ADK: variants seen among roughly 807,000 people sequenced by gnomAD.
ADK encodes the protein N6,N6-dimethyladenosine kinase.
Under a neutral mutation model 44.7 loss-of-function variants are expected in ADK, and 24 were observed. The ratio of observed to expected loss-of-function variants is 0.54; its 90% CI spans 0.39 to 0.76. ADK has a LOEUF of 0.76. ADK is among the 30% of genes least tolerant of loss of function. ADK has a pLI of 0.00. For missense variants in ADK, 321 were observed against 425.1 expected, an observed-to-expected ratio of 0.76 and a Z score of 2.15; for synonymous variants, 128 against 142.6, an observed-to-expected ratio of 0.90 and a Z score of 0.73.
At position 74,660,763 on chromosome 10, in the gene ADK, G is replaced by T. The variant is rs1433039483; in HGVS notation, c.878-9420G>T. On this transcript the variant is annotated intron_variant, in intron 9 of 10. Transcript: ENST00000539909. ...AAAAAAAAAAAAGAGGCCAGGCGCA[G>T]TGGCTCATGCCTGTAATCCCAGCAC... Among the ~76,000 whole-genome samples the T allele has an allele frequency of 1.2e-4, 17 of 147,600 alleles. 1 individual carries two copies. Among genetic ancestry groups the T allele is most frequent in the Non-Finnish European group, 7.4e-5 (5 of 67,490 alleles).
chr10:74,299,229 C>G (rs957041081), intron 3 of ADK, among the ~76,000 whole-genome samples: 1 of 151,646 alleles, frequency 6.6e-6, no homozygotes, highest in Non-Finnish European at 1.5e-5. Flanking sequence ...CACAGTGGCT[C>G]AAGCCTGTAA....
intron 6 of ADK, among the ~76,000 whole-genome samples, chr10:74,456,255 C>T (rs371238363): frequency 1.7e-4 from 26 of 152,272 alleles, no homozygotes; most frequent in African/African-American, 2.9e-4. Context: ...CGCACCACAT[C>T]GCCCTTACTC....
chr10:74,352,738 C>A (rs1186826437), intron 4 of ADK, among the ~76,000 whole-genome samples: 1 of 152,132 alleles, frequency 6.6e-6, no homozygotes, highest in Non-Finnish European at 1.5e-5. Context: ...AAAATAACAA[C>A]CCTATCAAAA....
At chr10:74,422,930 G>T (rs559915924) in intron 6 of ADK, among the ~76,000 whole-genome samples, 1 of 152,216 alleles carries the variant, frequency 6.6e-6, no homozygotes, top group Admixed American at 6.5e-5. Flanking sequence ...GTGGGGAGGG[G>T]GCTGCAGCCT....
intron 6 of ADK, among the ~76,000 whole-genome samples, chr10:74,432,301 C>T (rs1436812053): frequency 6.6e-6 from 1 of 152,210 alleles, no homozygotes; most frequent in Non-Finnish European, 1.5e-5. Context: ...TATATTCAGA[C>T]AGGCCATATT....
chr10:74,648,449 G>T (rs553625671), intron 9 of ADK, among the ~76,000 whole-genome samples: 34 of 152,272 alleles, frequency 2.2e-4, no homozygotes, highest in African/African-American at 8.2e-4. Flanking sequence ...GGAGGCCAAG[G>T]CAGGCAGATC....
intron 1 of ADK, among the ~76,000 whole-genome samples, chr10:74,184,504 TGTG>T: frequency 9.1e-5 from 1 of 10,946 alleles, no homozygotes. Context: ...CTATATTTTG[TGTG>T]TGTGTGTGTG....
intron 3 of ADK, among the ~76,000 whole-genome samples, chr10:74,226,249 A>G (rs1422892720): frequency 6.6e-6 from 1 of 152,074 alleles, no homozygotes; most frequent in African/African-American, 2.4e-5. Context: ...CAGGGATTAC[A>G]GGCACCCGCC....
chr10:74,529,245 C>T (rs1849184855), intron 7 of ADK: 1 of 151,994 alleles, frequency 6.6e-6, no homozygotes, highest in South Asian at 2.1e-4. Flanking sequence ...TAAAATAAGC[C>T]AGACACATCA....
At chr10:74,557,639 C>T (rs1322409291) in intron 7 of ADK, among the ~76,000 whole-genome samples, 1 of 152,026 alleles carries the variant, frequency 6.6e-6, no homozygotes, top group Non-Finnish European at 1.5e-5. Context: ...GAGAGAAGGG[C>T]ATTTATTGTA....
At chr10:74,249,916 A>G (rs953528926) in intron 3 of ADK, among the ~76,000 whole-genome samples, 1 of 152,136 alleles carries the variant, frequency 6.6e-6, no homozygotes, top group African/African-American at 2.4e-5. Context: ...CCAGACAGTA[A>G]TTTTCCTGCA....
intron 2 of ADK, among the ~76,000 whole-genome samples, chr10:74,204,529 T>C (rs1350368318): frequency 6.6e-6 from 1 of 152,184 alleles, no homozygotes; most frequent in African/African-American, 2.4e-5. Context: ...TTTATAAATG[T>C]GTAAATTTGA....
At chr10:74,636,447 C>A (rs1485414655) in intron 9 of ADK, among the ~76,000 whole-genome samples, 1 of 151,934 alleles carries the variant, frequency 6.6e-6, no homozygotes, top group Non-Finnish European at 1.5e-5. Flanking sequence ...GAGGGAGAGA[C>A]TATTATCAAA....
chr10:74,503,480 T>C (rs982535367), intron 6 of ADK, among the ~76,000 whole-genome samples: 1 of 152,182 alleles, frequency 6.6e-6, no homozygotes, highest in Non-Finnish European at 1.5e-5. Flanking sequence ...TTAAGGTTTT[T>C]TGAACAAAGG....
intron 6 of ADK, among the ~76,000 whole-genome samples, chr10:74,433,845 A>G (rs538478821): frequency 3.9e-5 from 6 of 152,298 alleles, no homozygotes; most frequent in African/African-American, 9.6e-5. Context: ...GGGAATTACT[A>G]TGATCAAAAC....
intron 10 of ADK, among the ~76,000 whole-genome samples, chr10:74,692,490 AAAAG>A (rs1490775031): frequency 6.6e-6 from 1 of 152,194 alleles, no homozygotes; most frequent in Non-Finnish European, 1.5e-5. Flanking sequence ...AAAAATAAAA[AAAAG>A]AAAGAAGGAA....
chr10:74,691,441 A>G (rs1855985014), intron 10 of ADK, among the ~76,000 whole-genome samples: 1 of 152,188 alleles, frequency 6.6e-6, no homozygotes, highest in Admixed American at 6.5e-5. Flanking sequence ...TCACTACTAT[A>G]CAGTGTGAAG....
intron 6 of ADK, among the ~76,000 whole-genome samples, chr10:74,466,590 C>T (rs1396314641): frequency 6.6e-6 from 1 of 152,126 alleles, no homozygotes; most frequent in Non-Finnish European, 1.5e-5. Context: ...TTGCAGCACT[C>T]GCAAGTCCCA....
At chr10:74,192,247 A>C (rs1443109423) in intron 1 of ADK, among the ~76,000 whole-genome samples, 3 of 150,966 alleles carry the variant, frequency 2.0e-5, no homozygotes, top group Admixed American at 6.6e-5. Flanking sequence ...GTTTTTTTTG[A>C]GACAGAGTCT....
Sources: gnomAD v4.1 joint callset for allele counts (sites outside exome capture counted in the v4.1 genomes callset) on GRCh38, gnomAD v4.1.1 for gene constraint, MANE v1.5 for transcripts, NCBI Gene and HGNC (gene_info 2026-07-23, HGNC 2026-07-21) for gene names.